Variants in PBX1 observed in about 807,000 individuals in gnomAD.
PBX1 encodes PBX homeobox 1.
In PBX1, 6 loss-of-function variants were observed where a neutral mutation model predicts 53.4. The ratio of observed to expected loss-of-function variants is 0.11; its 90% CI spans 0.06 to 0.22. The LOEUF is 0.22. Ranked by LOEUF, PBX1 falls within the 10% of genes least tolerant of loss-of-function variation. The probability of loss-of-function intolerance (pLI) is 1.00; values close to 1 mark genes in which losing one functional copy is unlikely to be tolerated. For synonymous variants in PBX1, 204 were observed against 212.3 expected (o/e 0.96, Z 0.34); for missense variants, 251 against 551.4 (o/e 0.46, Z 5.46).
chr1:164,679,349 C>T (rs1292909703), intron 2 of PBX1, among the ~76,000 whole-genome samples: 2 of 152,112 alleles, frequency 1.3e-5, no homozygotes, highest in Admixed American at 6.6e-5. Context: ...CTGAGACCAT[C>T]GGCTGCTGTG....
chr1:164,684,948 A>G (rs1160445194), intron 2 of PBX1: 3 of 152,374 alleles, frequency 2.0e-5, no homozygotes, highest in Non-Finnish European at 4.4e-5. Context: ...AACTTCAGCA[A>G]GAAGCAAAAG....
intron 8 of PBX1, among the ~76,000 whole-genome samples, chr1:164,841,468 G>C (rs1225558808): frequency 2.0e-5 from 3 of 152,140 alleles, no homozygotes; most frequent in African/African-American, 7.2e-5. Context: ...GACATGCACA[G>C]AATGACACTT....
chr1:164,656,973 A>G (rs1026200014), intron 2 of PBX1: 1 of 152,090 alleles, frequency 6.6e-6, no homozygotes, highest in Non-Finnish European at 1.5e-5. Context: ...TAAAACAAAA[A>G]CCCCCTTCAA....
chr1:164,798,715 C>T (rs1668909738), intron 3 of PBX1, among the ~76,000 whole-genome samples: 1 of 152,176 alleles, frequency 6.6e-6, no homozygotes, highest in Non-Finnish European at 1.5e-5. Context: ...TAGTTTATAA[C>T]CTGAGAATTT....
At chr1:164,878,180 G>A (rs1425827423) in intron 2 of PBX1, among the ~76,000 whole-genome samples, 1 of 152,110 alleles carries the variant, frequency 6.6e-6, no homozygotes, top group Non-Finnish European at 1.5e-5. Context: ...TGTGCCAAAT[G>A]GCAAGTTTCT....
chr1:164,728,249 C>A (rs568668970), intron 2 of PBX1, among the ~76,000 whole-genome samples: 1 of 150,708 alleles, frequency 6.6e-6, no homozygotes, highest in African/African-American at 2.4e-5. Context: ...CCTGGGAGAC[C>A]GAGGCTGCAA....
At chr1:164,831,824 G>A (rs780277361) in intron 8 of PBX1, among the ~76,000 whole-genome samples, 2 of 152,142 alleles carry the variant, frequency 1.3e-5, no homozygotes, top group Non-Finnish European at 2.9e-5. Flanking sequence ...CCAGCAGCCA[G>A]GGGCTCCCTC....
intron 2 of PBX1, among the ~76,000 whole-genome samples, chr1:164,667,482 G>A (rs1253784210): frequency 2.6e-5 from 4 of 151,546 alleles, no homozygotes; most frequent in Non-Finnish European, 5.9e-5. Flanking sequence ...CAATAACTTC[G>A]ACCCTGGCAG....
chr1:164,673,602 C>T (rs1661241295), intron 2 of PBX1, among the ~76,000 whole-genome samples: 1 of 151,668 alleles, frequency 6.6e-6, no homozygotes, highest in Non-Finnish European at 1.5e-5. Context: ...TCCTGAGTAG[C>T]TGGGATTACA....
rs116535999 is a variant in PBX1 at position 164,782,197 on chromosome 1, C to T, written c.266-10297C>T. Among the ~76,000 whole-genome samples the T allele has an allele frequency of 6.9e-3, 1,048 of 152,146 alleles. 1 individual carries two copies. Among genetic ancestry groups the T allele is most frequent in the Non-Finnish European group, 0.012 (795 of 67,974 alleles). On this transcript the variant is annotated intron_variant, in intron 2 of 8. Transcript: ENST00000420696. ...CCAGTGCCCAGCCCAGCTCATGGGC[C>T]GGGGGATGGGGGAGCTGCAGAAGGG...
chr1:164,733,082 C>G (rs1385946378), intron 2 of PBX1, among the ~76,000 whole-genome samples: 1 of 152,142 alleles, frequency 6.6e-6, no homozygotes, highest in Non-Finnish European at 1.5e-5. Flanking sequence ...CTCCCTTGAC[C>G]TCTGTAATCC....
Position 164,800,988 on chromosome 1 carries a change from C to T in PBX1, c.701+1099C>T, listed in dbSNP as rs567403824. 4.6e-5 allele frequency among the ~76,000 whole-genome samples: 7 copies of T among 152,226 alleles called. No homozygotes were observed. In the East Asian group the frequency reaches 1.4e-3, roughly 29 times the overall value. The stretch of plus-strand genomic sequence containing the variant: ...ATTCAGCTCTCCTACCTGCATTTTT[C>T]TCTGTGTTCACAATTATGGTCTTTA... On this transcript the variant is annotated intron_variant, in intron 4 of 8. Transcript: ENST00000420696.
intron 2 of PBX1, among the ~76,000 whole-genome samples, chr1:164,731,809 C>G (rs1665004028): frequency 6.6e-6 from 1 of 152,188 alleles, no homozygotes; most frequent in Admixed American, 6.5e-5. Flanking sequence ...ATGAAGTCTG[C>G]CACAGAAGTG....
At chr1:164,634,697 T>TA (rs1229697657) in intron 2 of PBX1, among the ~76,000 whole-genome samples, 2 of 152,182 alleles carry the variant, frequency 1.3e-5, no homozygotes, top group Non-Finnish European at 2.9e-5. Context: ...ACTTTCTTTT[T>TA]ACCCAGCATA....
At chr1:164,765,699 G>A (rs1379844132) in intron 2 of PBX1, among the ~76,000 whole-genome samples, 1 of 152,156 alleles carries the variant, frequency 6.6e-6, no homozygotes, top group Non-Finnish European at 1.5e-5. Context: ...GAAGTGAACT[G>A]ACTCTCCCAG....
chr1:164,580,658 C>T (rs1654549718), intron 2 of PBX1, among the ~76,000 whole-genome samples: 1 of 152,026 alleles, frequency 6.6e-6, no homozygotes, highest in Non-Finnish European at 1.5e-5. Flanking sequence ...CTTACTGCAA[C>T]CTCTGTCTCC....
At chr1:164,664,530 T>C (rs1660694871) in intron 2 of PBX1, among the ~76,000 whole-genome samples, 1 of 152,194 alleles carries the variant, frequency 6.6e-6, no homozygotes, top group Admixed American at 6.5e-5. Flanking sequence ...TGGCACAATG[T>C]ATTAGAGTTT....
intron 2 of PBX1, among the ~76,000 whole-genome samples, chr1:164,695,148 A>G (rs753905766): frequency 1.2e-4 from 19 of 152,342 alleles, no homozygotes; most frequent in Non-Finnish European, 2.5e-4. Flanking sequence ...ATTATTTAAA[A>G]TTTTAAGCTA....
chr1:164,767,020 C>G (rs1667093275), intron 2 of PBX1, among the ~76,000 whole-genome samples: 1 of 9,314 alleles, frequency 1.1e-4, no homozygotes, highest in East Asian at 0.011. Context: ...GAGCTTTTAT[C>G]CTGTTTTTTT....
Sources: gnomAD v4.1 joint callset for allele counts (sites outside exome capture counted in the v4.1 genomes callset) on GRCh38, gnomAD v4.1.1 for gene constraint, MANE v1.5 for transcripts, NCBI Gene and HGNC (gene_info 2026-07-23, HGNC 2026-07-21) for gene names.